The following CERK variants were observed in gnomAD, a reference collection of about 807,000 sequenced individuals.
CERK encodes ceramide kinase.
Under a neutral mutation model 63.4 loss-of-function variants are expected in CERK, and 39 were observed. The ratio of observed to expected loss-of-function variants is 0.61; its 90% confidence interval spans 0.48 to 0.80. The LOEUF (loss-of-function observed/expected upper bound fraction) is 0.80. Among genes scored for constraint, CERK ranks in the 30% least tolerant of loss-of-function variants. The pLI is 0.00. For missense variants in CERK, 670 were observed against 714.1 expected (o/e 0.94, Z 0.70); for synonymous variants, 302 against 280.0 (o/e 1.08, Z -0.78).
At chr22:46,737,375 G>A (rs1415636620) in intron 1 of CERK, among the ~76,000 whole-genome samples, 1 of 151,998 alleles carries the variant, frequency 6.6e-6, no homozygotes, top group Non-Finnish European at 1.5e-5. Flanking sequence ...CTCTCTCCAG[G>A]GTGGGCTATG....
intron 1 of CERK, among the ~76,000 whole-genome samples, chr22:46,721,415 C>T (rs1247333247): frequency 6.6e-6 from 1 of 151,330 alleles, no homozygotes; most frequent in Non-Finnish European, 1.5e-5. Context: ...GCCTCAGCCT[C>T]CCGAACAGCT....
intron 3 of CERK, among the ~76,000 whole-genome samples, chr22:46,716,948 AAAG>A (rs950491444): frequency 1.9e-4 from 22 of 114,600 alleles, no homozygotes; most frequent in African/African-American, 9.6e-4. Context: ...ACCAAAAAAA[AAAG>A]AAAAAAAGAA....
chr22:46,695,552 G>A lies in CERK; in HGVS notation c.944-237C>T, dbSNP rs1215941968. Among the ~76,000 whole-genome samples the A allele has an allele frequency of 2.0e-5, 3 of 152,256 alleles. No individual in the cohort carries two copies. In the East Asian group the frequency reaches 5.8e-4, roughly 29 times the overall value. On this transcript the variant is annotated intron_variant, in intron 8 of 12. Transcript: ENST00000216264. The stretch of plus-strand genomic sequence containing the variant: ...GTGCTGGTGCCTTCTGACACCCAGT[G>A]ATGCTGGGACAGCCAGGGCTATGGC...
chr22:46,723,594 G>C (rs1042436902), intron 1 of CERK, among the ~76,000 whole-genome samples: 1 of 152,036 alleles, frequency 6.6e-6, no homozygotes, highest in Non-Finnish European at 1.5e-5. Context: ...ACTCCAGCCT[G>C]GGCAACAAAG....
intron 3 of CERK, 42 bp downstream of exon 3, chr22:46,720,044 C>T (rs1337952901): frequency 8.8e-6 from 14 of 1,599,966 alleles, no homozygotes; most frequent in Non-Finnish European, 1.2e-5. Flanking sequence ...CATGCGCATG[C>T]CACCACGGCC....
At chr22:46,734,732 A>C (rs542097236) in intron 1 of CERK, among the ~76,000 whole-genome samples, 1 of 152,368 alleles carries the variant, frequency 6.6e-6, no homozygotes, top group Non-Finnish European at 1.5e-5. Flanking sequence ...ATGTTTTCTC[A>C]GCTTTTCTTT....
intron 1 of CERK, among the ~76,000 whole-genome samples, chr22:46,725,564 C>T (rs937700078): frequency 6.6e-6 from 1 of 152,224 alleles, no homozygotes; most frequent in Non-Finnish European, 1.5e-5. Context: ...GCTGTGGGAA[C>T]ATCTTGCAAA....
At chr22:46,720,312 A>G (rs891800486) in intron 2 of CERK, 104 bp from the exon 3 acceptor site, 2 of 1,403,734 alleles carry the variant, frequency 1.4e-6, no homozygotes, top group African/African-American at 1.4e-5. Context: ...TTCCTAACCA[A>G]AATTTCCCAG....
At chr22:46,720,432 A>T (rs1036085600) in intron 2 of CERK, among the ~76,000 whole-genome samples, 10 of 152,300 alleles carry the variant, frequency 6.6e-5, no homozygotes, top group African/African-American at 1.9e-4. Context: ...GTGATGACTC[A>T]CGCCTGTAAT....
intron 3 of CERK, among the ~76,000 whole-genome samples, chr22:46,719,544 T>G (rs999558185): frequency 6.6e-6 from 1 of 152,164 alleles, no homozygotes; most frequent in Admixed American, 6.5e-5. Context: ...TGGTGGCGCA[T>G]GCCTGTAGTC....
chr22:46,702,534 G>A (rs1569322236), intron 6 of CERK, among the ~76,000 whole-genome samples: 1 of 152,216 alleles, frequency 6.6e-6, no homozygotes, highest in South Asian at 2.1e-4. Flanking sequence ...CTCGTGATCC[G>A]CCCGCCTTGG....
Position 46,711,090 on chromosome 22 carries a change from C to T in CERK, c.565G>A (p.Asp189Asn), listed in dbSNP as rs549011074. The change falls in exon 5 of 13, where the codon GAC becomes AAC. Residue 189 changes from aspartate to asparagine, a missense_variant. By Grantham distance (23) the Asp-to-Asn change is conservative. Coordinates refer to ENST00000216264, the MANE Select transcript of CERK (RefSeq NM_022766.6). The stretch of plus-strand genomic sequence containing the variant: ...GATGAAAGACGGCTTACTCACCCGT[C>T]GTATTTGTCTATGTTAATCTCATAC... ...TLYEINIDKY[D>N]GIVCVGGDGM... The T allele has an allele frequency of 9.1e-5, 147 of 1,612,604 alleles. 1 individual carries two copies. In the South Asian group the frequency reaches 1.2e-3, roughly 14 times the overall value.
intron 1 of CERK, among the ~76,000 whole-genome samples, chr22:46,721,496 G>C (rs1017319414): frequency 6.6e-6 from 1 of 152,024 alleles, no homozygotes; most frequent in African/African-American, 2.4e-5. Flanking sequence ...ATAACTGTGG[G>C]CAGCTCAATG....
At chr22:46,734,740 T>C (rs2082963948) in intron 1 of CERK, among the ~76,000 whole-genome samples, 1 of 152,244 alleles carries the variant, frequency 6.6e-6, no homozygotes, top group African/African-American at 2.4e-5. Flanking sequence ...TCAGCTTTTC[T>C]TTCATGCATA....
chr22:46,736,477 C>T (rs1323724121), intron 1 of CERK, among the ~76,000 whole-genome samples: 2 of 152,244 alleles, frequency 1.3e-5, no homozygotes, highest in African/African-American at 2.4e-5. Flanking sequence ...AGGAACCCAT[C>T]CGGTTTGAAG....
chr22:46,701,650 A>G lies in CERK; in HGVS notation c.776T>C (p.Leu259Pro). The change falls in exon 7 of 13, where the codon CTG becomes CCG. Residue 259 changes from leucine (L) to proline (P), a missense_variant. Coordinates refer to ENST00000216264, the MANE Select transcript of CERK (RefSeq NM_022766.6). ...GAGGGGCTCACCAACAACGATATGCAGCGCCGAGGTTTCTGCGTCGCTGGT... is the reference window on the plus strand; with the variant it reads ...GAGGGGCTCACCAACAACGATATGCGGCGCCGAGGTTTCTGCGTCGCTGGT... ...VGTSDAETSA[L>P]HIVVGDSLAM... The G allele has an allele frequency of 6.4e-7, 1 of 1,558,430 alleles. No homozygotes were observed. Among genetic ancestry groups the G allele is most frequent in the Non-Finnish European group, 8.7e-7 (1 of 1,150,976 alleles).
At chr22:46,691,890 C>T in intron 10 of CERK, 113 bp from the exon 11 acceptor site, 1 of 684,026 alleles carries the variant, frequency 1.5e-6, no homozygotes, top group Non-Finnish European at 2.5e-6. Flanking sequence ...ATTTAGCAGA[C>T]ACTTCATGCA....
chr22:46,735,136 G>C (rs539153173), intron 1 of CERK: 2 of 152,298 alleles, frequency 1.3e-5, no homozygotes, highest in South Asian at 4.1e-4. Flanking sequence ...ATAAATGCAG[G>C]GTTTGTCTAA....
chr22:46,727,677 G>A (rs941605810), intron 1 of CERK, among the ~76,000 whole-genome samples: 5 of 152,050 alleles, frequency 3.3e-5, no homozygotes, highest in East Asian at 3.9e-4. Flanking sequence ...TCGTCCTAAC[G>A]TCCCGATACC....
Sources: gnomAD v4.1 joint callset for allele counts (sites outside exome capture counted in the v4.1 genomes callset) on GRCh38, gnomAD v4.1.1 for gene constraint, MANE v1.5 for transcripts, NCBI Gene and HGNC (gene_info 2026-07-23, HGNC 2026-07-21) for gene names.